Variants in EPSTI1 observed in about 807,000 individuals in gnomAD.
EPSTI1 encodes epithelial-stromal interaction protein 1.
In EPSTI1, 66 loss-of-function variants were observed where a neutral mutation model predicts 49.9. That is an observed-to-expected ratio of 1.32 (90% CI 1.08 to 1.62). EPSTI1 has a LOEUF of 1.62. Ranked by LOEUF, EPSTI1 falls within the 40% of genes most tolerant of loss-of-function variation. The pLI is 0.00. For missense variants in EPSTI1, 394 were observed against 365.5 expected (o/e 1.08, Z -0.64); for synonymous variants, 137 against 130.7 (o/e 1.05, Z -0.33).
chr13:42,888,252 A>G lies in EPSTI1; in HGVS notation c.*242T>C. The stretch of plus-strand genomic sequence containing the variant: ...CATCACTCTAATTATACTTCCAATT[A>G]GAAAAATAATGTAGCATTTCCCTGG... On this transcript the variant is annotated 3_prime_UTR_variant, in exon 11 of 11. Transcript: ENST00000313624. The G allele has an allele frequency of 1.2e-6, 2 of 1,613,590 alleles. No homozygotes were observed. The highest frequency in any genetic ancestry group is 1.7e-6 in the Non-Finnish European group (2 of 1,179,678).
intron 8 of EPSTI1, among the ~76,000 whole-genome samples, chr13:42,901,365 C>T (rs1221274493): frequency 6.6e-6 from 1 of 152,110 alleles, no homozygotes; most frequent in African/African-American, 2.4e-5. Context: ...TCCACAGTCC[C>T]CCAAAATAAA....
At chr13:42,963,916 C>T (rs2039533325) in intron 4 of EPSTI1, 150 bp downstream of exon 4, 1 of 606,196 alleles carries the variant, frequency 1.6e-6, no homozygotes, top group South Asian at 2.5e-5. Context: ...CTTCTCACTT[C>T]CTGAGAGCTT....
At chr13:42,974,747 T>C (rs988244370) in intron 1 of EPSTI1, among the ~76,000 whole-genome samples, 2 of 152,220 alleles carry the variant, frequency 1.3e-5, no homozygotes, top group Non-Finnish European at 2.9e-5. Flanking sequence ...TTTTATAACT[T>C]TTTATCAATA....
At chr13:42,972,139 G>A (rs1174840963) in intron 1 of EPSTI1, among the ~76,000 whole-genome samples, 4 of 152,114 alleles carry the variant, frequency 2.6e-5, no homozygotes, top group Non-Finnish European at 5.9e-5. Flanking sequence ...GATACGAGAC[G>A]TAAATGCCAA....
intron 6 of EPSTI1, among the ~76,000 whole-genome samples, chr13:42,926,757 A>G (rs963551240): frequency 2.0e-5 from 3 of 152,078 alleles, no homozygotes; most frequent in Non-Finnish European, 4.4e-5. Context: ...CTAATTTCCT[A>G]TCTGAACATT....
chr13:42,979,551 C>T (rs2039946862), intron 1 of EPSTI1, among the ~76,000 whole-genome samples: 1 of 142,090 alleles, frequency 7.0e-6, no homozygotes, highest in Admixed American at 7.4e-5. Flanking sequence ...CGCCGCTGGA[C>T]TCCAGCCTGG....
At chr13:42,967,748 C>T (rs570321117) in intron 3 of EPSTI1, among the ~76,000 whole-genome samples, 32 of 152,278 alleles carry the variant, frequency 2.1e-4, no homozygotes, top group African/African-American at 7.5e-4. Flanking sequence ...GGAAGAAGAA[C>T]GAGCAGTCAG....
At chr13:42,942,615 T>C (rs1444902543) in intron 6 of EPSTI1, among the ~76,000 whole-genome samples, 1 of 151,286 alleles carries the variant, frequency 6.6e-6, no homozygotes, top group Non-Finnish European at 1.5e-5. Flanking sequence ...GTGCCTCTTC[T>C]AGTGCTAAAA....
intron 1 of EPSTI1, among the ~76,000 whole-genome samples, chr13:42,976,860 TCTATG>T (rs2039891705): frequency 6.6e-6 from 1 of 152,248 alleles, no homozygotes; most frequent in Non-Finnish European, 1.5e-5. Flanking sequence ...TTACTTTTCA[TCTATG>T]CTCTATACAT....
Position 42,926,409 on chromosome 13 carries a change from C to A in EPSTI1, c.584G>T (p.Ser195Ile). 6.2e-7 allele frequency: 1 copy of A among 1,612,956 alleles called. No homozygotes were observed. The highest frequency in any genetic ancestry group is 8.5e-7 in the Non-Finnish European group (1 of 1,178,920). ...GTCTGGCGATTCTGTGTTCAGTTTGCTCAAGAACTCAGCGGTTTTGCTACC... is the reference window on the plus strand; with the variant it reads ...GTCTGGCGATTCTGTGTTCAGTTTGATCAAGAACTCAGCGGTTTTGCTACC... ...HQQYKTAEFL[S>I]KLNTESPDRS... Residue 195 changes from serine (S) to isoleucine (I), a missense_variant, in exon 7 of 11, where the codon AGC becomes ATC. Transcript: ENST00000313624.
intron 1 of EPSTI1, among the ~76,000 whole-genome samples, chr13:42,976,001 G>A (rs1311432719): frequency 2.6e-5 from 4 of 152,204 alleles, no homozygotes; most frequent in Admixed American, 1.3e-4. Flanking sequence ...AAAAATAACT[G>A]TCAGAAATTC....
At chr13:42,899,627 T>C (rs9590723) in intron 9 of EPSTI1, among the ~76,000 whole-genome samples, 7,121 of 152,246 alleles carry the variant, frequency 0.047, 545 homozygotes, top group African/African-American at 0.16. Flanking sequence ...TCCCTTTAAA[T>C]TGTGAAAACC....
At chr13:42,938,190 C>T (rs1245323022) in intron 6 of EPSTI1, among the ~76,000 whole-genome samples, 1 of 151,694 alleles carries the variant, frequency 6.6e-6, no homozygotes. Context: ...AGAAAAATAT[C>T]AAAAGTTTAA....
At chr13:42,941,819 A>C (rs370698173) in intron 6 of EPSTI1, among the ~76,000 whole-genome samples, 1 of 151,742 alleles carries the variant, frequency 6.6e-6, no homozygotes, top group East Asian at 1.9e-4. Flanking sequence ...TCTTAAAGTC[A>C]GTATTTATAA....
intron 1 of EPSTI1, among the ~76,000 whole-genome samples, chr13:42,990,754 C>A (rs2040179356): frequency 6.6e-6 from 1 of 152,140 alleles, no homozygotes; most frequent in Admixed American, 6.5e-5. Context: ...GAAAGAAAAT[C>A]TACTGTTTAT....
At position 42,887,062 on chromosome 13, in the gene EPSTI1, A is replaced by G. The variant is rs945818496; in HGVS notation, c.*1432T>C. On this transcript the variant is annotated 3_prime_UTR_variant, in exon 11 of 11. Coordinates refer to ENST00000313624, the MANE Select transcript of EPSTI1 (RefSeq NM_033255.5). ...ACACCACCACACTAAAATGTCTGCT[A>G]CAGCCGCACATTTACAATCAGTTTG... 4 of 152,220 alleles carry G rather than the reference A, an allele frequency of 2.6e-5. No homozygotes were observed. Among genetic ancestry groups the G allele is most frequent in the African/African-American group, 9.6e-5 (4 of 41,456 alleles). 9.4% of individuals were successfully genotyped at this position (152,220 alleles called of 1,614,324 possible).
chr13:42,902,754 G>A (rs184389740), intron 8 of EPSTI1, among the ~76,000 whole-genome samples: 38 of 152,306 alleles, frequency 2.5e-4, no homozygotes, highest in Middle Eastern at 6.8e-3. Context: ...TCACCTTACA[G>A]ATAAGGAAAT....
rs1044731418 is a variant in EPSTI1 at position 42,951,562 on chromosome 13, C to A, written c.563+2386G>T. ...TGATAGCAGGCCAGGTGGCTGAGGG[C>A]AAACTTCTTTTTTCTTTATAGAAAA... is the stretch of plus-strand genomic sequence containing the variant. On this transcript the variant is annotated intron_variant, in intron 6 of 10. Coordinates refer to ENST00000313624, the MANE Select transcript of EPSTI1 (RefSeq NM_033255.5). Among the ~76,000 whole-genome samples the A allele has an allele frequency of 9.2e-5, 14 of 152,130 alleles. No individual in the cohort carries two copies. The East Asian group carries it at 2.5e-3, about 27-fold the overall frequency.
At chr13:42,986,882 T>C (rs2040094568) in intron 1 of EPSTI1, among the ~76,000 whole-genome samples, 1 of 151,630 alleles carries the variant, frequency 6.6e-6, no homozygotes, top group Admixed American at 6.6e-5. Flanking sequence ...TCAATAAAAG[T>C]TCTTGAACTA....
Sources: allele counts gnomAD v4.1 joint callset (sites outside exome capture counted in the v4.1 genomes callset), GRCh38; gene constraint gnomAD v4.1.1; transcripts MANE v1.5; gene names NCBI Gene and HGNC (gene_info 2026-07-23, HGNC 2026-07-21).